The following GYS1 variants were observed in gnomAD, a reference collection of about 807,000 sequenced individuals.
GYS1 encodes glycogen [starch] synthase, muscle.
In GYS1, 60 loss-of-function variants were observed where a neutral mutation model predicts 89.1. The observed-to-expected ratio is 0.67, with a 90% CI of 0.55 to 0.84. The LOEUF is 0.84. GYS1 is among the 40% of genes least tolerant of loss of function. GYS1 has a pLI of 0.00. For synonymous variants in GYS1, 366 were observed against 401.7 expected (o/e 0.91, Z 1.06); for missense variants, 888 against 1,003.1 (o/e 0.89, Z 1.55).
rs576974356 is a variant in GYS1 at position 48,979,485 on chromosome 19, C to T, written c.1170-1328G>A. Among the ~76,000 whole-genome samples, 37 of 150,000 alleles carry T rather than the reference C, an allele frequency of 2.5e-4. 1 individual carries two copies. The South Asian group carries it at 5.1e-3, about 21-fold the overall frequency. ...CTGAGTAGCTGCAATTACAAGCGTG[C>T]GCCACCACATCTGGCTAATTTTTAT... On this transcript the variant is annotated intron_variant, in intron 8 of 15. Transcript: ENST00000323798.
At chr19:48,992,117 C>T (rs1360892174) in intron 1 of GYS1, among the ~76,000 whole-genome samples, 2 of 152,160 alleles carry the variant, frequency 1.3e-5, no homozygotes, top group African/African-American at 4.8e-5. Flanking sequence ...CTCCTCCCAT[C>T]CTGGAGCCCA....
chr19:48,976,300 C>G (rs1260098195), intron 10 of GYS1, among the ~76,000 whole-genome samples: 1 of 152,086 alleles, frequency 6.6e-6, no homozygotes, highest in Non-Finnish European at 1.5e-5. Flanking sequence ...ATGTAGACCA[C>G]AAGTACTGAA....
rs1174610609 is a variant in GYS1, at chr19:48,985,505, T to C, written c.779A>G (p.Gln260Arg). The C allele has an allele frequency of 6.2e-7, 1 of 1,614,150 alleles. No individual in the cohort carries two copies. The highest frequency in any genetic ancestry group is 1.1e-5 in the South Asian group (1 of 91,088). The stretch of plus-strand genomic sequence containing the variant: ...GTGCTGTGCCTCGATGGCGGTGATC[T>C]GGGACACAGTAGTGAAGACGTGAGC... The part of the protein sequence containing the change: ...HCAHVFTTVS[Q>R]ITAIEAQHLL... The change falls in exon 5 of 16, where the codon CAG (glutamine) becomes CGG (arginine). Residue 260 changes from glutamine (Q) to arginine (R), a missense_variant. Physicochemically the swap from Gln to Arg is conservative, Grantham distance 43. Coordinates refer to ENST00000323798, the MANE Select transcript of GYS1 (RefSeq NM_002103.5).
chr19:48,972,504 G>C (rs978670243), intron 12 of GYS1, among the ~76,000 whole-genome samples: 7 of 151,510 alleles, frequency 4.6e-5, no homozygotes, highest in South Asian at 4.2e-4. Context: ...TTTTAGACAG[G>C]GTCTGACTCT....
At chr19:48,978,584 C>T (rs890971371) in intron 8 of GYS1, among the ~76,000 whole-genome samples, 8 of 139,240 alleles carry the variant, frequency 5.7e-5, no homozygotes, top group South Asian at 4.6e-4. Context: ...CAGGCTGGAG[C>T]GCAGTGGTGC....
At chr19:48,979,326 T>TTTTTCTTTTC (rs1245540222) in intron 8 of GYS1, among the ~76,000 whole-genome samples, 4 of 120,158 alleles carry the variant, frequency 3.3e-5, no homozygotes, top group African/African-American at 1.2e-4. Context: ...CTCTTTTTCT[T>TTTTTCTTTTC]TTTTCTTTTC....
At chr19:48,970,212 C>T (rs576786766) in intron 14 of GYS1, 157 of 447,072 alleles carry the variant, frequency 3.5e-4, no homozygotes, top group African/African-American at 2.6e-3. Context: ...GCAGCCTCAA[C>T]CTCCGGGGCT....
intron 1 of GYS1, among the ~76,000 whole-genome samples, chr19:48,992,758 T>G (rs1023871827): frequency 6.6e-6 from 1 of 152,094 alleles, no homozygotes; most frequent in African/African-American, 2.4e-5. Context: ...AGTCTCATTT[T>G]AGCGCCCTCT....
At chr19:48,978,817 G>A (rs1392687135) in intron 8 of GYS1, among the ~76,000 whole-genome samples, 1 of 152,198 alleles carries the variant, frequency 6.6e-6, no homozygotes, top group Non-Finnish European at 1.5e-5. Context: ...TTACAGGCAT[G>A]AGCTGCCGCG....
chr19:48,983,583 A>G (rs2038797448), intron 5 of GYS1, among the ~76,000 whole-genome samples: 1 of 152,240 alleles, frequency 6.6e-6, no homozygotes, highest in Admixed American at 6.5e-5. Context: ...AAATTAAAGT[A>G]TATCAACGAA....
At chr19:48,987,853 T>A (rs1600150078) in intron 2 of GYS1, among the ~76,000 whole-genome samples, 1 of 151,856 alleles carries the variant, frequency 6.6e-6, no homozygotes, top group East Asian at 1.9e-4. Flanking sequence ...CAGGCTGGAG[T>A]GCCGTGGCAT....
rs200766247 is a variant in GYS1, at chr19:48,982,418, C to A, written c.942-43G>T. On this transcript the variant is annotated intron_variant, in intron 6 of 15. Coordinates refer to ENST00000323798, the MANE Select transcript of GYS1 (RefSeq NM_002103.5). ...CACGGTAAAGCCCAAAGCCCTCACCCGCTAGCCCTGGCCTCAAAACTACAA... is the reference window on the plus strand; with the variant it reads ...CACGGTAAAGCCCAAAGCCCTCACCAGCTAGCCCTGGCCTCAAAACTACAA... 16 of 1,612,568 alleles carry A rather than the reference C, an allele frequency of 9.9e-6. No individual in the cohort carries two copies. In the African/African-American group the frequency reaches 1.9e-4, roughly 19 times the overall value.
intron 9 of GYS1, 25 bp downstream of exon 9, chr19:48,978,073 A>T (rs2038688449): frequency 1.2e-6 from 2 of 1,611,918 alleles, no homozygotes; most frequent in Non-Finnish European, 1.7e-6. Context: ...CTAGGAGGGC[A>T]CAGGGCTGAG....
chr19:48,981,372 C>T (rs1246413347), intron 8 of GYS1, 158 bp downstream of exon 8: 2 of 655,740 alleles, frequency 3.0e-6, no homozygotes, highest in Non-Finnish European at 5.6e-6. Flanking sequence ...AAGATCGCAC[C>T]ACTACACTCC....
intron 12 of GYS1, 80 bp from the exon 13 acceptor site, chr19:48,971,103 C>T: frequency 2.1e-6 from 2 of 950,130 alleles, no homozygotes; most frequent in South Asian, 1.3e-5. Context: ...CTCAACACCG[C>T]CCTCTACTGG....
chr19:48,978,060 G>A (rs374859926), intron 9 of GYS1, 38 bp downstream of exon 9: 2 of 1,608,760 alleles, frequency 1.2e-6, no homozygotes, highest in Non-Finnish European at 1.7e-6. Context: ...GGTTAGTCAG[G>A]GCCTAGGAGG....
chr19:48,990,010 G>GA lies in GYS1; in HGVS notation c.300+1291_300+1292insT, dbSNP rs904465880. Among the ~76,000 whole-genome samples the GA allele has an allele frequency of 2.7e-5, 4 of 150,474 alleles. 1 individual carries two copies. The South Asian group carries it at 8.5e-4, about 32-fold the overall frequency. On this transcript the variant is annotated intron_variant, in intron 2 of 15. Coordinates refer to ENST00000323798, the MANE Select transcript of GYS1 (RefSeq NM_002103.5). ...TCTGCCCTTTTGCTGGGGGGGGGGGGGGGCTATTCTTAGGCCCCCAGCACG... is the reference window on the plus strand; with the variant it reads ...TCTGCCCTTTTGCTGGGGGGGGGGGGAGGGCTATTCTTAGGCCCCCAGCACG...
chr19:48,991,188 A>G lies in GYS1; in HGVS notation c.300+114T>C. On this transcript the variant is annotated intron_variant, in intron 2 of 15. Coordinates refer to ENST00000323798, the MANE Select transcript of GYS1 (RefSeq NM_002103.5). This position sits in a 1 kb window ranked among gnomAD's most constrained non-coding sequence, Gnocchi z 4.7. ...CTATCACGCCTCCTTCCTGTGTCCA[A>G]GCCTGCCTCGCTCTCTGGCTGGGGC... The G allele has an allele frequency of 8.5e-7, 1 of 1,175,534 alleles. No homozygotes were observed. The highest frequency in any genetic ancestry group is 2.3e-5 in the East Asian group (1 of 42,710). 72.8% of individuals were successfully genotyped at this position (1,175,534 alleles called of 1,614,324 possible).
chr19:48,981,142 C>T (rs1451128115), intron 8 of GYS1, among the ~76,000 whole-genome samples: 7 of 142,206 alleles, frequency 4.9e-5, no homozygotes, highest in African/African-American at 5.3e-5. Context: ...GGGCCGGGTG[C>T]GGTGGCTCAT....
Sources: gnomAD v4.1 joint callset for allele counts (sites outside exome capture counted in the v4.1 genomes callset) on GRCh38, gnomAD v4.1.1 for gene constraint, Gnocchi (gnomAD v3.1) non-coding constraint, MANE v1.5 for transcripts, NCBI Gene and HGNC (gene_info 2026-07-23, HGNC 2026-07-21) for gene names.